Variants in MOG observed in about 807,000 individuals in gnomAD.
The protein encoded by MOG is myelin-oligodendrocyte glycoprotein.
In MOG, 20 loss-of-function variants were observed where a neutral mutation model predicts 35.9. That is an observed-to-expected ratio of 0.56 (90% CI 0.39 to 0.81). MOG has a LOEUF of 0.81. Ranked by LOEUF, MOG falls within the 30% of genes least tolerant of loss-of-function variation. MOG has a pLI of 0.00. For missense variants in MOG, 251 were observed against 301.0 expected, an observed-to-expected ratio of 0.83 and a Z score of 1.23; for synonymous variants, 92 against 114.3, an observed-to-expected ratio of 0.80 and a Z score of 1.25.
At chr6:29,668,539 G>A (rs781478098) in intron 5 of MOG, among the ~76,000 whole-genome samples, 1 of 152,112 alleles carries the variant, frequency 6.6e-6, no homozygotes, top group African/African-American at 2.4e-5. Context: ...GTGTCATTAG[G>A]GCACAGATGG....
intron 5 of MOG, among the ~76,000 whole-genome samples, chr6:29,669,309 T>C (rs921215875): frequency 7.1e-6 from 1 of 141,760 alleles, no homozygotes; most frequent in Admixed American, 7.0e-5. Context: ...TCTTTCTTTC[T>C]TTTTTTTTGA....
chr6:29,667,588 C>T (rs1562201755), intron 3 of MOG, 55 bp from the exon 4 acceptor site: 3 of 1,602,988 alleles, frequency 1.9e-6, no homozygotes, highest in Non-Finnish European at 2.6e-6. Flanking sequence ...GTGGGAGGGT[C>T]CCCACCGAGA....
chr6:29,659,385 C>A lies in MOG; in HGVS notation c.155C>A (p.Pro52Gln). The A allele has an allele frequency of 6.2e-7, 1 of 1,612,936 alleles. No homozygotes were observed. The highest frequency in any genetic ancestry group is 8.5e-7 in the Non-Finnish European group (1 of 1,179,950). The change falls in exon 2 of 8, where the codon CCA becomes CAA. Residue 52 changes from proline to glutamine, a missense_variant. Physicochemically the swap from Pro to Gln is moderately conservative, Grantham distance 76 (BLOSUM62 -1). Coordinates refer to ENST00000376917, the MANE Select transcript of MOG (RefSeq NM_206809.4). ...RALVGDEVELPCRISPGKNAT... is the reference protein window; with the variant it reads ...RALVGDEVELQCRISPGKNAT... ...CTGGTCGGGGATGAAGTGGAATTGC[C>A]ATGTCGCATATCTCCTGGGAAGAAC...
In MOG at chr6:29,672,330, AAAT is replaced by A. The variant is rs1562217536; in HGVS notation, c.*1148_*1150del. ...TAAATAAATAAATAAATAAATAAAT[AAAT>A]AAAAAATAATAATACAAGTTTTCAT... On this transcript the variant is annotated 3_prime_UTR_variant, in exon 8 of 8. Transcript: ENST00000376917. 23 of 298,942 alleles carry A rather than the reference AAAT, an allele frequency of 7.7e-5. No individual in the cohort carries two copies. Among genetic ancestry groups the A allele is most frequent in the East Asian group, 3.4e-4 (6 of 17,744 alleles). The allele number at this position is 298,942 out of a possible 1,614,324, so 18.5% of individuals were successfully genotyped here. A position where few individuals can be genotyped will look rare whatever the true frequency, so the allele number is the denominator to read the frequency against.
At chr6:29,667,868 C>T (rs778555537) in intron 4 of MOG, 36 bp from the exon 5 acceptor site, 2 of 1,612,748 alleles carry the variant, frequency 1.2e-6, no homozygotes, top group Admixed American at 3.3e-5. Context: ...TTTTTGAGTG[C>T]CCTACTAAAT....
chr6:29,671,360 T>C lies in MOG; in HGVS notation c.*175T>C. On this transcript the variant is annotated 3_prime_UTR_variant, in exon 8 of 8. Coordinates refer to ENST00000376917, the MANE Select transcript of MOG (RefSeq NM_206809.4). ...AGTAGAATTGATTTCCCTTCTTCTG[T>C]CATCTACCTTTTCTCTTCATTTTCC... 1.2e-6 allele frequency: 2 copies of C among 1,612,188 alleles called. No homozygotes were observed. Among genetic ancestry groups the C allele is most frequent in the Non-Finnish European group, 8.5e-7 (1 of 1,179,650 alleles).
In MOG at chr6:29,659,353, C is replaced by G. The variant is rs774206213; in HGVS notation, c.123C>G (p.Ile41Met). 12 of 1,612,962 alleles carry G rather than the reference C, an allele frequency of 7.4e-6. No homozygotes were observed. The South Asian group carries it at 1.2e-4, about 16-fold the overall frequency. Residue 41 changes from isoleucine (I) to methionine (M), a missense_variant, in exon 2 of 8, where the codon ATC (isoleucine) becomes ATG (methionine). Coordinates refer to ENST00000376917, the MANE Select transcript of MOG (RefSeq NM_206809.4). ...QFRVIGPRHP[I>M]RALVGDEVEL... is the part of the protein sequence containing the mutation. Reference sequence around the variant, plus strand: ...GAGTGATAGGACCAAGACACCCTATCCGGGCTCTGGTCGGGGATGAAGTGG... The same window carrying G: ...GAGTGATAGGACCAAGACACCCTATGCGGGCTCTGGTCGGGGATGAAGTGG...
In MOG at chr6:29,670,674, C is replaced by G. The variant is rs1771282710; in HGVS notation, c.710-27C>G. 6.2e-7 allele frequency: 1 copy of G among 1,611,642 alleles called. No individual in the cohort carries two copies. The highest frequency in any genetic ancestry group is 1.1e-5 in the South Asian group (1 of 90,812). ...AAGGTGCTATTCATCTTCCACTAAT[C>G]ACATATTTGTTTCTTTTTGTTTTCA... On this transcript the variant is annotated intron_variant, in intron 6 of 7. Transcript: ENST00000376917. This position sits in a 1 kb window ranked among gnomAD's most constrained non-coding sequence, Gnocchi z 4.2.
chr6:29,670,084 A>G lies in MOG; in HGVS notation c.593-197A>G. On this transcript the variant is annotated intron_variant, in intron 5 of 7. Transcript: ENST00000376917. This position sits in a 1 kb window ranked among gnomAD's most constrained non-coding sequence, Gnocchi z 4.2. Reference sequence around the variant, plus strand: ...ACACCTGGCAGTTGTTACATTTTTAATGAAAGAAAATGTTAAATCCAGTTA... The same window carrying G: ...ACACCTGGCAGTTGTTACATTTTTAGTGAAAGAAAATGTTAAATCCAGTTA... 1.0e-6 allele frequency: 1 copy of G among 953,718 alleles called. No individual in the cohort carries two copies. The allele number at this position is 953,718 out of a possible 1,614,324, so 59.1% of individuals were successfully genotyped here.
intron 2 of MOG, among the ~76,000 whole-genome samples, chr6:29,660,930 A>G (rs1312183166): frequency 2.0e-5 from 3 of 151,996 alleles, no homozygotes; most frequent in African/African-American, 7.3e-5. Flanking sequence ...GTTGGTCTCA[A>G]ACTCCTGACC....
chr6:29,668,152 G>A (rs1045391638), intron 5 of MOG, among the ~76,000 whole-genome samples: 1 of 152,104 alleles, frequency 6.6e-6, no homozygotes, highest in Non-Finnish European at 1.5e-5. Flanking sequence ...TTACAAAAAT[G>A]TTATCTTATT....
chr6:29,658,647 T>C (rs1767723302), intron 1 of MOG, among the ~76,000 whole-genome samples: 2 of 152,314 alleles, frequency 1.3e-5, no homozygotes, highest in African/African-American at 4.8e-5. Flanking sequence ...AACCTCAAGA[T>C]GCTGTGCCAC....
At chr6:29,667,026 C>T (rs183967492) in intron 3 of MOG, among the ~76,000 whole-genome samples, 1 of 152,254 alleles carries the variant, frequency 6.6e-6, no homozygotes, top group East Asian at 1.9e-4. Flanking sequence ...TTACTTCTTC[C>T]ACACAAAAAA....
chr6:29,664,606 A>ATTT (rs9278232), intron 2 of MOG: 81 of 418,470 alleles, frequency 1.9e-4, no homozygotes, highest in East Asian at 3.1e-4. Flanking sequence ...CCATCTCAGA[A>ATTT]TTTTTTTTTT....
Position 29,671,123 on chromosome 6 carries a change from A to G in MOG, c.731-49A>G, listed in dbSNP as rs145105527. ...TTCTCCCTAGTTCAATGGTTTTATGATACAAACTACTGACATACGTTTTTC... is the reference window on the plus strand; with the variant it reads ...TTCTCCCTAGTTCAATGGTTTTATGGTACAAACTACTGACATACGTTTTTC... On this transcript the variant is annotated intron_variant, in intron 7 of 7. Coordinates refer to ENST00000376917, the MANE Select transcript of MOG (RefSeq NM_206809.4). The G allele has an allele frequency of 2.0e-3, 3,150 of 1,612,902 alleles. 8 individuals carry two copies. The highest frequency in any genetic ancestry group is 5.0e-3 in the Middle Eastern group (30 of 6,060).
In MOG at chr6:29,659,671, G is replaced by A. The variant is rs1393322145; in HGVS notation, c.436+5G>A. 2 of 1,609,658 alleles carry A rather than the reference G, an allele frequency of 1.2e-6. No homozygotes were observed. Among genetic ancestry groups the A allele is most frequent in the Non-Finnish European group, 1.7e-6 (2 of 1,177,112 alleles). On this transcript the variant is annotated splice_donor_5th_base_variant and intron_variant, in intron 2 of 7. Transcript: ENST00000376917. ...CAATGGAATTGAAAGTAGAAGGTGAGTAGTGCCATATAATATTAGGTATTA... is the reference window on the plus strand; with the variant it reads ...CAATGGAATTGAAAGTAGAAGGTGAATAGTGCCATATAATATTAGGTATTA...
chr6:29,668,304 T>C (rs1384440515), intron 5 of MOG, among the ~76,000 whole-genome samples: 1 of 152,232 alleles, frequency 6.6e-6, no homozygotes, highest in Non-Finnish European at 1.5e-5. Flanking sequence ...CCTGTACTTA[T>C]ATTTCTGCTT....
At chr6:29,666,099 G>A in intron 2 of MOG, 53 bp from the exon 3 acceptor site, 1 of 1,105,158 alleles carries the variant, frequency 9.0e-7, no homozygotes, top group Non-Finnish European at 1.4e-6. Context: ...ACACCATGCT[G>A]AGTGTTGGGG....
chr6:29,668,893 G>T (rs536988895), intron 5 of MOG, among the ~76,000 whole-genome samples: 1 of 151,058 alleles, frequency 6.6e-6, no homozygotes, highest in Non-Finnish European at 1.5e-5. Flanking sequence ...GTTATCAACC[G>T]ATAATCACAT....
Sources: allele counts gnomAD v4.1 joint callset (sites outside exome capture counted in the v4.1 genomes callset), GRCh38; gene constraint gnomAD v4.1.1; non-coding constraint Gnocchi (gnomAD v3.1); transcripts MANE v1.5; gene names NCBI Gene and HGNC (gene_info 2026-07-23, HGNC 2026-07-21).